HIPK3: variants seen among roughly 807,000 people sequenced by gnomAD.
HIPK3 encodes the protein homeodomain-interacting protein kinase 3.
Under a neutral mutation model 124.2 loss-of-function variants are expected in HIPK3, and 47 were observed. The ratio of observed to expected loss-of-function variants is 0.38; its 90% CI spans 0.30 to 0.48. The LOEUF (loss-of-function observed/expected upper bound fraction) is 0.48, where lower values mean the gene tolerates loss of function less well. Ranked by LOEUF, HIPK3 falls within the 20% of genes least tolerant of loss-of-function variation. The pLI is 0.98. For missense variants in HIPK3, 1,286 were observed against 1,454.3 expected, an observed-to-expected ratio of 0.88 and a Z score of 1.88; for synonymous variants, 482 against 515.2, an observed-to-expected ratio of 0.94 and a Z score of 0.87.
intron 2 of HIPK3, among the ~76,000 whole-genome samples, chr11:33,307,465 C>G (rs902756257): frequency 7.0e-6 from 1 of 143,876 alleles, no homozygotes; most frequent in Admixed American, 7.1e-5. Context: ...GTGGCGTGAT[C>G]TCGGTTTATT....
intron 1 of HIPK3, among the ~76,000 whole-genome samples, chr11:33,284,163 T>A (rs1402142826): frequency 6.6e-6 from 1 of 152,184 alleles, no homozygotes; most frequent in Non-Finnish European, 1.5e-5. Flanking sequence ...TGATTTGTTA[T>A]AAGAGTAGGA....
Position 33,286,512 on chromosome 11 carries a change from G to T in HIPK3, c.98G>T (p.Cys33Phe), listed in dbSNP as rs779230839. The T allele has an allele frequency of 4.5e-5, 73 of 1,612,320 alleles. No individual in the cohort carries two copies. Among genetic ancestry groups the T allele is most frequent in the Non-Finnish European group, 6.1e-5 (72 of 1,179,822 alleles). Residue 33 changes from cysteine (C) to phenylalanine (F), a missense_variant, in exon 2 of 17, where the codon TGT becomes TTT. Around this residue, in one of 3 missense-constraint regions of HIPK3, gnomAD observed 225 missense variants for 240.3 expected, o/e 0.94. Coordinates refer to ENST00000303296, the MANE Select transcript of HIPK3 (RefSeq NM_005734.5). ...AAACTCAAAGTAGAGCCAAGCAGTT[G>T]TGTATTCCAGGAAAGAAACTATCCA... ...VKKLKVEPSS[C>F]VFQERNYPRT...
At position 33,352,210 on chromosome 11, in the gene HIPK3, C is replaced by G; in HGVS notation, c.3116C>G (p.Thr1039Ser). The G allele has an allele frequency of 1.2e-6, 2 of 1,613,978 alleles. No individual in the cohort carries two copies. Among genetic ancestry groups the G allele is most frequent in the Non-Finnish European group, 1.7e-6 (2 of 1,179,892 alleles). The change falls in exon 16 of 17, where the codon ACT (threonine) becomes AGT (serine). Residue 1039 changes from threonine to serine, a missense_variant. Thr to Ser is a moderately conservative substitution (Grantham distance 58). Around this residue, in one of 3 missense-constraint regions of HIPK3, gnomAD observed 810 missense variants for 864.9 expected, o/e 0.94. Transcript: ENST00000303296. ...TTAAACCAGCCTTCTGCAGTGGGTA[C>G]TCGTCAGCAAAAATTGACATCAGCA... Reference protein sequence around the residue: ...GRLNQPSAVGTRQQKLTSAFQ... With the variant: ...GRLNQPSAVGSRQQKLTSAFQ...
chr11:33,329,879 G>A (rs957182841), intron 3 of HIPK3, among the ~76,000 whole-genome samples: 2 of 152,162 alleles, frequency 1.3e-5, no homozygotes, highest in Admixed American at 1.3e-4. Flanking sequence ...TACACCCTTG[G>A]CTTTGTAGAT....
In HIPK3 at chr11:33,355,956, T is replaced by C. The variant is rs1159500521; in HGVS notation, c.*2388T>C. ...GTAAATTTGCTGCCCTCCACAGCCT[T>C]CTAATTTTATTTATATGTTCCAGCA... On this transcript the variant is annotated 3_prime_UTR_variant, in exon 17 of 17. Coordinates refer to ENST00000303296, the MANE Select transcript of HIPK3 (RefSeq NM_005734.5). The C allele has an allele frequency of 6.6e-6, 1 of 151,986 alleles. No homozygotes were observed. Among genetic ancestry groups the C allele is most frequent in the Non-Finnish European group, 1.5e-5 (1 of 67,886 alleles). 9.4% of individuals were successfully genotyped at this position (151,986 alleles called of 1,614,324 possible). A position where few individuals can be genotyped will look rare whatever the true frequency, so the allele number is the denominator to read the frequency against.
At chr11:33,320,599 G>A (rs1852635512) in intron 2 of HIPK3, among the ~76,000 whole-genome samples, 2 of 152,210 alleles carry the variant, frequency 1.3e-5, no homozygotes, top group African/African-American at 4.8e-5. Flanking sequence ...TTTGGATCAG[G>A]ATGGTAGCAG....
rs1853686580 is a variant in HIPK3, at chr11:33,352,281, GA to G, written c.3171+17del. 1 of 1,613,180 alleles carries G rather than the reference GA, an allele frequency of 6.2e-7. No homozygotes were observed. Among genetic ancestry groups the G allele is most frequent in the Non-Finnish European group, 8.5e-7 (1 of 1,179,580 alleles). ...CTTCAGTCAGGTATGTTCATTTGTGGATATGTAGGAGTCTGTGGGATTCAAA... is the reference window on the plus strand; with the variant it reads ...CTTCAGTCAGGTATGTTCATTTGTGGTATGTAGGAGTCTGTGGGATTCAAA... On this transcript the variant is annotated intron_variant, in intron 16 of 16. Coordinates refer to ENST00000303296, the MANE Select transcript of HIPK3 (RefSeq NM_005734.5).
intron 2 of HIPK3, among the ~76,000 whole-genome samples, chr11:33,288,874 G>A (rs1185839909): frequency 6.6e-6 from 1 of 152,128 alleles, no homozygotes; most frequent in Non-Finnish European, 1.5e-5. Context: ...ACAAATACAG[G>A]ATCTGCCAAT....
chr11:33,271,699 C>T (rs1222857643), intron 1 of HIPK3, among the ~76,000 whole-genome samples: 1 of 152,180 alleles, frequency 6.6e-6, no homozygotes, highest in Admixed American at 6.5e-5. Flanking sequence ...TCAATGGCTA[C>T]TTAATTTTAA....
In HIPK3 at chr11:33,347,757, A is replaced by G. The variant is rs1853540587; in HGVS notation, c.2144+4A>G. The G allele has an allele frequency of 2.5e-6, 4 of 1,613,372 alleles. No individual in the cohort carries two copies. Among genetic ancestry groups the G allele is most frequent in the Non-Finnish European group, 3.4e-6 (4 of 1,179,430 alleles). ...CACACAGGCTTGGAGACTGGGGGTA[A>G]GCTGAAAACAAAAGTACTTTGTGAA... is the stretch of plus-strand genomic sequence containing the variant. On this transcript the variant is annotated splice_donor_region_variant and intron_variant, in intron 10 of 16. Coordinates refer to ENST00000303296, the MANE Select transcript of HIPK3 (RefSeq NM_005734.5).
chr11:33,261,179 AAT>A (rs1037400548), intron 1 of HIPK3, among the ~76,000 whole-genome samples: 3 of 147,034 alleles, frequency 2.0e-5, no homozygotes, highest in Non-Finnish European at 3.0e-5. Flanking sequence ...CATTATATAA[AAT>A]ATATATTATA....
In HIPK3 at chr11:33,328,485, TTTTTG is replaced by T. The variant is rs1852874337; in HGVS notation, c.1098-20_1098-16del. The T allele has an allele frequency of 6.2e-7, 1 of 1,604,522 alleles. No individual in the cohort carries two copies. The highest frequency in any genetic ancestry group is 1.3e-5 in the African/African-American group (1 of 74,674). The stretch of plus-strand genomic sequence containing the variant: ...TAATTTTAGAGAAAAACCACCCTGA[TTTTTG>T]TTTTAATTTTAAATTTCAGAGCTCC... On this transcript the variant is annotated intron_variant, in intron 2 of 16. Transcript: ENST00000303296.
intron 3 of HIPK3, 24 bp from the exon 4 acceptor site, chr11:33,337,046 ACTATT>A: frequency 6.5e-7 from 1 of 1,540,484 alleles, no homozygotes; most frequent in Non-Finnish European, 8.9e-7. Flanking sequence ...GAAAGAATAA[ACTATT>A]CTGTTCTGTA....
intron 1 of HIPK3, among the ~76,000 whole-genome samples, chr11:33,272,778 T>TTCCA: frequency 2.8e-4 from 1 of 3,622 alleles, no homozygotes; most frequent in Non-Finnish European, 6.6e-4. Context: ...CCCTCCTCCC[T>TTCCA]CCCCCTCCCT....
In HIPK3 at chr11:33,287,537, GTTGT is replaced by G. The variant is rs1235569882; in HGVS notation, c.1097+29_1097+32del. ...GTAGGTAACAACTCCATACTTTTTG[GTTGT>G]TTATTAATGTGAAATTTCTGCTAAA... On this transcript the variant is annotated intron_variant, in intron 2 of 16. Transcript: ENST00000303296. 2.5e-6 allele frequency: 4 copies of G among 1,580,200 alleles called. No individual in the cohort carries two copies. The South Asian group carries it at 3.5e-5, about 14-fold the overall frequency.
intron 2 of HIPK3, among the ~76,000 whole-genome samples, chr11:33,321,882 A>C (rs926716573): frequency 3.3e-5 from 5 of 152,192 alleles, no homozygotes; most frequent in African/African-American, 9.7e-5. Context: ...TCTACTCCTG[A>C]GTATTTGAAA....
At chr11:33,339,664 G>C (rs1853272048) in intron 6 of HIPK3, 130 bp downstream of exon 6, 1 of 636,650 alleles carries the variant, frequency 1.6e-6, no homozygotes, top group Non-Finnish European at 2.6e-6. Context: ...AAGCTAACTT[G>C]ACCAAGTTCA....
chr11:33,290,373 T>G (rs1353501158), intron 2 of HIPK3, among the ~76,000 whole-genome samples: 1 of 152,130 alleles, frequency 6.6e-6, no homozygotes, highest in Non-Finnish European at 1.5e-5. Context: ...TGGAAAAAAA[T>G]TGTAAAATCT....
chr11:33,340,862 A>G (rs1393355549), intron 6 of HIPK3, 106 bp from the exon 7 acceptor site: 7 of 605,094 alleles, frequency 1.2e-5, no homozygotes, highest in Non-Finnish European at 1.9e-5. Flanking sequence ...AGTGCAAATT[A>G]GGATTTTTTT....
Sources: allele counts gnomAD v4.1 joint callset (sites outside exome capture counted in the v4.1 genomes callset), GRCh38; gene constraint gnomAD v4.1.1; regional missense constraint gnomAD v4.1.1; transcripts MANE v1.5; gene names NCBI Gene and HGNC (gene_info 2026-07-23, HGNC 2026-07-21).